The following FOXK2 variants were observed in gnomAD, a reference collection of about 807,000 sequenced individuals.
FOXK2 encodes forkhead box protein K2.
Under a neutral mutation model 53.3 loss-of-function variants are expected in FOXK2, and 24 were observed. The ratio of observed to expected loss-of-function variants is 0.45; its 90% CI spans 0.33 to 0.63. FOXK2 has a LOEUF of 0.63. FOXK2 is among the 30% of genes least tolerant of loss of function. The pLI is 0.03. For synonymous variants in FOXK2, 505 were observed against 407.1 expected (o/e 1.24, Z -2.89); for missense variants, 952 against 910.5 (o/e 1.05, Z -0.59).
intron 6 of FOXK2, among the ~76,000 whole-genome samples, chr17:82,584,659 C>T (rs1373660799): frequency 6.7e-6 from 1 of 149,852 alleles, no homozygotes; most frequent in Non-Finnish European, 1.5e-5. Flanking sequence ...TCTCCTGCCT[C>T]AGCTTCCCGA....
chr17:82,587,325 C>A, intron 8 of FOXK2, 53 bp downstream of exon 8: 3 of 1,359,146 alleles, frequency 2.2e-6, no homozygotes, highest in Non-Finnish European at 3.2e-6. Context: ...GGGAGCAGAG[C>A]CCCTTCTCAC....
chr17:82,577,007 A>G (rs55775285), intron 4 of FOXK2: 154,160 of 397,234 alleles, frequency 0.39, 32,279 homozygotes, highest in South Asian at 0.46. Context: ...TAAAAATACA[A>G]TATTATTAGC....
At chr17:82,569,354 T>C (rs1409818124) in intron 3 of FOXK2, among the ~76,000 whole-genome samples, 1 of 152,166 alleles carries the variant, frequency 6.6e-6, no homozygotes, top group East Asian at 1.9e-4. Context: ...AGGCTTACAA[T>C]TGGACAGATC....
At position 82,603,296 on chromosome 17, in the gene FOXK2, A is replaced by G. The variant is rs564619434; in HGVS notation, c.*1797A>G. The G allele has an allele frequency of 6.6e-6, 1 of 152,386 alleles. No homozygotes were observed. The highest frequency in any genetic ancestry group is 6.5e-5 in the Admixed American group (1 of 15,308). The allele number at this position is 152,386 out of a possible 1,614,324, so 9.4% of individuals were successfully genotyped here. ...GCACTTTACAGATACCTTGGAATGT[A>G]TATTTTTGTCTTCTTACTCAGAAGG... On this transcript the variant is annotated 3_prime_UTR_variant, in exon 9 of 9. Coordinates refer to ENST00000335255, the MANE Select transcript of FOXK2 (RefSeq NM_004514.4).
At chr17:82,554,088 T>A (rs1411215932) in intron 1 of FOXK2, among the ~76,000 whole-genome samples, 1 of 152,164 alleles carries the variant, frequency 6.6e-6, no homozygotes, top group African/African-American at 2.4e-5. Context: ...CACCTCGGCC[T>A]CCCAAAGTGC....
Position 82,520,185 on chromosome 17 carries a change from GC to G in FOXK2, c.300del (p.Ala101ArgfsTer52). The G allele has an allele frequency of 7.0e-7, 1 of 1,427,354 alleles. No individual in the cohort carries two copies. Among genetic ancestry groups the G allele is most frequent in the Non-Finnish European group, 9.2e-7 (1 of 1,088,010 alleles). 88.4% of individuals were successfully genotyped at this position (1,427,354 alleles called of 1,614,324 possible). ...ATGGCGGGGCCGCTCCGGAGCTGCC[GC>G]CCGCGCAGCCCAGGCCCGACGCCGG... is the stretch of plus-strand genomic sequence containing the variant. ...GHGGAAPELP[P>X]AQPRPDAGGD... is the part of the protein sequence containing the mutation. On this transcript the variant is annotated frameshift_variant, in exon 1 of 9. Coordinates refer to ENST00000335255, the MANE Select transcript of FOXK2 (RefSeq NM_004514.4). LOFTEE classifies it high-confidence loss of function.
intron 1 of FOXK2, among the ~76,000 whole-genome samples, chr17:82,527,994 C>G (rs1463305474): frequency 6.6e-6 from 1 of 152,028 alleles, no homozygotes; most frequent in Non-Finnish European, 1.5e-5. Flanking sequence ...CGTGGGGTCT[C>G]GCTATGTTGC....
At chr17:82,523,691 G>C (rs1429836974) in intron 1 of FOXK2, among the ~76,000 whole-genome samples, 3 of 151,932 alleles carry the variant, frequency 2.0e-5, no homozygotes, top group Non-Finnish European at 4.4e-5. Context: ...TGGTCAGGCT[G>C]GTCTTGAACT....
intron 5 of FOXK2, 98 bp downstream of exon 5, chr17:82,583,032 A>G (rs2045082804): frequency 1.2e-6 from 1 of 837,100 alleles, no homozygotes; most frequent in African/African-American, 1.8e-5. Flanking sequence ...GGAACTACTA[A>G]ATGCATTATG....
At chr17:82,568,301 A>G in intron 3 of FOXK2, 100 bp downstream of exon 3, 1 of 1,417,682 alleles carries the variant, frequency 7.1e-7, no homozygotes. Flanking sequence ...GTCCAGTGAC[A>G]GCCCTGCCAG....
rs2045032903 is a variant in FOXK2, at chr17:82,579,568, A to C, written c.910-3173A>C. On this transcript the variant is annotated intron_variant, in intron 4 of 8. Coordinates refer to ENST00000335255, the MANE Select transcript of FOXK2 (RefSeq NM_004514.4). ...AAGTAGCTCCATCCACAGGGCCCAGATCCCTCCCACACATGGCCTAGCCCT... is the reference window on the plus strand; with the variant it reads ...AAGTAGCTCCATCCACAGGGCCCAGCTCCCTCCCACACATGGCCTAGCCCT... Among the ~76,000 whole-genome samples the C allele has an allele frequency of 5.0e-5, 4 of 79,494 alleles. No homozygotes were observed. In the South Asian group the frequency reaches 2.5e-3, roughly 50 times the overall value. 52.2% of individuals were successfully genotyped at this position (79,494 alleles called of 152,430 possible).
intron 1 of FOXK2, among the ~76,000 whole-genome samples, chr17:82,533,889 C>T (rs2044495958): frequency 6.6e-6 from 1 of 151,902 alleles, no homozygotes; most frequent in Non-Finnish European, 1.5e-5. Context: ...ATCCCAGCTA[C>T]TCGTGAGACT....
At chr17:82,567,409 C>G (rs1262562447) in intron 2 of FOXK2, among the ~76,000 whole-genome samples, 1 of 152,218 alleles carries the variant, frequency 6.6e-6, no homozygotes, top group African/African-American at 2.4e-5. Flanking sequence ...CTCCCTGAGC[C>G]CCCGTCCAGC....
intron 1 of FOXK2, chr17:82,559,328 C>T (rs573034340): frequency 7.5e-5 from 34 of 453,330 alleles, no homozygotes; most frequent in Admixed American, 3.1e-4. Flanking sequence ...GGCTGGCGAC[C>T]GTGCGGACTC....
intron 8 of FOXK2, among the ~76,000 whole-genome samples, chr17:82,596,786 T>G (rs1230723619): frequency 4.6e-5 from 7 of 152,232 alleles, no homozygotes; most frequent in African/African-American, 1.7e-4. Flanking sequence ...TTCTTTGATC[T>G]CTGCCGATCT....
chr17:82,584,472 C>A (rs866466423), intron 6 of FOXK2, among the ~76,000 whole-genome samples: 11 of 149,868 alleles, frequency 7.3e-5, no homozygotes, highest in Non-Finnish European at 1.3e-4. Context: ...CCCGCACCCC[C>A]ACCCCCCGCA....
chr17:82,520,817 C>T (rs1256980764), intron 1 of FOXK2, among the ~76,000 whole-genome samples: 4 of 152,172 alleles, frequency 2.6e-5, no homozygotes, highest in Admixed American at 2.0e-4. Flanking sequence ...AGGAAGGACT[C>T]CTTTTTCCCT....
chr17:82,556,230 G>T (rs1048291444), intron 1 of FOXK2, among the ~76,000 whole-genome samples: 2 of 152,020 alleles, frequency 1.3e-5, no homozygotes, highest in Non-Finnish European at 2.9e-5. Context: ...CGGATCATGA[G>T]GTCAGGAGAT....
At chr17:82,573,562 TCACACACACACA>T (rs1019671658) in intron 4 of FOXK2, among the ~76,000 whole-genome samples, 6 of 83,316 alleles carry the variant, frequency 7.2e-5, no homozygotes, top group Non-Finnish European at 1.3e-4. Context: ...TCTCTCTCTC[TCACACACACACA>T]CACACACACA....
Sources: gnomAD v4.1 joint callset for allele counts (sites outside exome capture counted in the v4.1 genomes callset) on GRCh38, gnomAD v4.1.1 for gene constraint, MANE v1.5 for transcripts, NCBI Gene and HGNC (gene_info 2026-07-23, HGNC 2026-07-21) for gene names.